PRKCA: variants seen among roughly 807,000 people sequenced by gnomAD.
PRKCA encodes the protein protein kinase C alpha, also known as protein kinase C alpha type.
Under a neutral mutation model 87.0 loss-of-function variants are expected in PRKCA, and 27 were observed. The ratio of observed to expected loss-of-function variants is 0.31; its 90% CI spans 0.23 to 0.43. The LOEUF (loss-of-function observed/expected upper bound fraction) is 0.43. Among genes scored for constraint, PRKCA ranks in the 20% least tolerant of loss-of-function variants. The probability of loss-of-function intolerance (pLI) is 1.00; values close to 1 mark genes in which losing one functional copy is unlikely to be tolerated. For missense variants in PRKCA, 518 were observed against 852.3 expected (o/e 0.61, Z 4.88); for synonymous variants, 329 against 311.1 (o/e 1.06, Z -0.61).
At chr17:66,473,294 A>C (rs1221055675) in intron 2 of PRKCA, among the ~76,000 whole-genome samples, 1 of 152,152 alleles carries the variant, frequency 6.6e-6, no homozygotes, top group Non-Finnish European at 1.5e-5. Flanking sequence ...GTGTTTCCCC[A>C]GTACCTTGCT....
intron 3 of PRKCA, among the ~76,000 whole-genome samples, chr17:66,528,221 C>CAA (rs60533049): frequency 0.047 from 3,985 of 85,154 alleles, 122 homozygotes; most frequent in Non-Finnish European, 0.067. Context: ...AACTCTGTCT[C>CAA]AAAAAAAAAA....
chr17:66,688,905 C>T (rs1376372097), intron 7 of PRKCA, 46 bp from the exon 8 acceptor site: 8 of 1,251,636 alleles, frequency 6.4e-6, no homozygotes, highest in Non-Finnish European at 9.3e-6. Flanking sequence ...GCAGGAAAGG[C>T]TTGTTAAACT....
chr17:66,754,474 T>C (rs1250323952), intron 13 of PRKCA, among the ~76,000 whole-genome samples: 3 of 152,144 alleles, frequency 2.0e-5, no homozygotes, highest in African/African-American at 7.2e-5. Context: ...TTGCTGTGCC[T>C]CGACTTCTCC....
intron 13 of PRKCA, among the ~76,000 whole-genome samples, chr17:66,746,263 C>T (rs950634733): frequency 6.8e-6 from 1 of 148,006 alleles, no homozygotes; most frequent in African/African-American, 2.5e-5. Flanking sequence ...GGGGATCCTC[C>T]TGCCTCAGTC....
intron 16 of PRKCA, among the ~76,000 whole-genome samples, chr17:66,802,712 C>T: frequency 6.6e-6 from 1 of 152,188 alleles, no homozygotes. Flanking sequence ...CAGCCTTGGG[C>T]AGGAGGTGTG....
intron 2 of PRKCA, among the ~76,000 whole-genome samples, chr17:66,402,301 G>T (rs1048632803): frequency 6.6e-6 from 1 of 152,058 alleles, no homozygotes; most frequent in Non-Finnish European, 1.5e-5. Flanking sequence ...GGAGCTTGGT[G>T]GTTGTGGGAA....
chr17:66,666,377 G>A (rs59096064), intron 5 of PRKCA, among the ~76,000 whole-genome samples: 2,749 of 152,290 alleles, frequency 0.018, 89 homozygotes, highest in African/African-American at 0.062. Flanking sequence ...CTTAGATGCC[G>A]CTCCTTGGAC....
chr17:66,589,330 A>G (rs929073718), intron 3 of PRKCA, among the ~76,000 whole-genome samples: 18 of 152,358 alleles, frequency 1.2e-4, no homozygotes, highest in Non-Finnish European at 2.2e-4. Context: ...TGAATATCAT[A>G]TAACTAAAGT....
intron 3 of PRKCA, among the ~76,000 whole-genome samples, chr17:66,623,712 G>A (rs1218261704): frequency 6.6e-6 from 1 of 152,134 alleles, no homozygotes; most frequent in Non-Finnish European, 1.5e-5. Flanking sequence ...GAAAGATAAA[G>A]CTAAATAAGA....
At chr17:66,771,653 G>A (rs1338222603) in intron 13 of PRKCA, among the ~76,000 whole-genome samples, 4 of 151,932 alleles carry the variant, frequency 2.6e-5, no homozygotes, top group Non-Finnish European at 5.9e-5. Context: ...GAGTGCAGTG[G>A]TATGCAGTCT....
In PRKCA at chr17:66,405,515, C is replaced by T. The variant is rs748737852; in HGVS notation, c.206-90686C>T. On this transcript the variant is annotated intron_variant, in intron 2 of 16. Coordinates refer to ENST00000413366, the MANE Select transcript of PRKCA (RefSeq NM_002737.3). ...GTGGTACCACTAGATCTTCTAGCATCCGTTTTCTGTTGCTGCATATTCATT... is the reference window on the plus strand; with the variant it reads ...GTGGTACCACTAGATCTTCTAGCATTCGTTTTCTGTTGCTGCATATTCATT... Among the ~76,000 whole-genome samples the T allele has an allele frequency of 4.6e-5, 7 of 152,130 alleles. 1 individual carries two copies. The highest frequency in any genetic ancestry group is 7.4e-5 in the Non-Finnish European group (5 of 68,024).
intron 5 of PRKCA, among the ~76,000 whole-genome samples, chr17:66,662,139 G>T (rs1050836511): frequency 6.6e-6 from 1 of 152,124 alleles, no homozygotes; most frequent in Non-Finnish European, 1.5e-5. Context: ...CTGAATCATC[G>T]CCACAAGGCC....
At chr17:66,711,857 A>T (rs1215547320) in intron 8 of PRKCA, among the ~76,000 whole-genome samples, 1 of 152,170 alleles carries the variant, frequency 6.6e-6, no homozygotes, top group African/African-American at 2.4e-5. Flanking sequence ...CACCCTGCAG[A>T]TGTGCCTGTT....
At chr17:66,711,060 AT>A (rs1567989374) in intron 8 of PRKCA, among the ~76,000 whole-genome samples, 1 of 151,414 alleles carries the variant, frequency 6.6e-6, no homozygotes, top group Non-Finnish European at 1.5e-5. Flanking sequence ...AATAAATAAA[AT>A]AAATAAATAA....
At chr17:66,471,621 G>C (rs1474685627) in intron 2 of PRKCA, among the ~76,000 whole-genome samples, 5 of 151,010 alleles carry the variant, frequency 3.3e-5, no homozygotes, top group Non-Finnish European at 7.4e-5. Context: ...GACTAATTTG[G>C]AAAATTGAAT....
At chr17:66,400,418 C>T (rs977868773) in intron 2 of PRKCA, among the ~76,000 whole-genome samples, 2 of 152,216 alleles carry the variant, frequency 1.3e-5, no homozygotes, top group African/African-American at 4.8e-5. Context: ...TCCCCAAGTG[C>T]TGGGATTACA....
At chr17:66,614,927 G>A (rs1970474695) in intron 3 of PRKCA, among the ~76,000 whole-genome samples, 1 of 152,104 alleles carries the variant, frequency 6.6e-6, no homozygotes. Context: ...CAGACTGAAT[G>A]AGAATGTTTA....
chr17:66,472,087 C>T (rs922509836), intron 2 of PRKCA, among the ~76,000 whole-genome samples: 1 of 152,142 alleles, frequency 6.6e-6, no homozygotes, highest in Non-Finnish European at 1.5e-5. Context: ...CCTCAGCCTT[C>T]AGAGTAGCTA....
chr17:66,623,112 A>C (rs1970738348), intron 3 of PRKCA, among the ~76,000 whole-genome samples: 1 of 152,240 alleles, frequency 6.6e-6, no homozygotes, highest in Non-Finnish European at 1.5e-5. Context: ...CTTTGGTAAA[A>C]GAAGTTGAAT....
Sources: gnomAD v4.1 joint callset for allele counts (sites outside exome capture counted in the v4.1 genomes callset) on GRCh38, gnomAD v4.1.1 for gene constraint, MANE v1.5 for transcripts, NCBI Gene and HGNC (gene_info 2026-07-23, HGNC 2026-07-21) for gene names.